The following COMMD2 variants were observed in gnomAD, a reference collection of about 807,000 sequenced individuals.
COMMD2 encodes the protein COMM domain containing 2.
A neutral mutation model predicts 22.5 loss-of-function variants in COMMD2; 25 were observed. That is an observed-to-expected ratio of 1.11 (90% CI 0.81 to 1.55). The LOEUF is 1.55. Among genes scored for constraint, COMMD2 ranks in the 40% most tolerant of loss-of-function variants. COMMD2 has a pLI of 0.00. For synonymous variants in COMMD2, 98 were observed against 91.2 expected, an observed-to-expected ratio of 1.07 and a Z score of -0.42; for missense variants, 223 against 232.9, an observed-to-expected ratio of 0.96 and a Z score of 0.28.
chr3:149,742,792 C>A (rs1716269531), intron 4 of COMMD2, among the ~76,000 whole-genome samples: 1 of 151,854 alleles, frequency 6.6e-6, no homozygotes, highest in Admixed American at 6.6e-5. Flanking sequence ...CATAGTGAAA[C>A]CCTGTCTCTA....
chr3:149,750,803 C>T lies in COMMD2; in HGVS notation c.277G>A (p.Glu93Lys). Residue 93 changes from glutamate (E) to lysine (K), a missense_variant, in exon 4 of 5, where the codon GAA (glutamate) becomes AAA (lysine). Glu to Lys is a moderately conservative substitution (Grantham distance 56, BLOSUM62 1). Coordinates refer to ENST00000473414, the MANE Select transcript of COMMD2 (RefSeq NM_016094.4). ...QDSVFVLGFS[E>K]ELNKLLLQLY... Reference sequence around the variant, plus strand: ...TGAAGCAACAATTTGTTTAATTCTTCAGAGAATCCCAGAACAAAAACAGAG... The same window carrying T: ...TGAAGCAACAATTTGTTTAATTCTTTAGAGAATCCCAGAACAAAAACAGAG... 1.9e-6 allele frequency: 3 copies of T among 1,602,950 alleles called. No homozygotes were observed. The highest frequency in any genetic ancestry group is 2.2e-5 in the East Asian group (1 of 44,572).
rs967944752 is a variant in COMMD2 at position 149,738,887 on chromosome 3, T to C, written c.*2634A>G. ...TCACCACCTTTCCCGTTTACTGTCT[T>C]AAATGTGCCCAATCTCGGAAATATC... On this transcript the variant is annotated 3_prime_UTR_variant, in exon 5 of 5. Transcript: ENST00000473414. 6.6e-6 allele frequency: 1 copy of C among 152,180 alleles called. No homozygotes were observed. Among genetic ancestry groups the C allele is most frequent in the Non-Finnish European group, 1.5e-5 (1 of 68,004 alleles). The allele number at this position is 152,180 out of a possible 1,614,324, so 9.4% of individuals were successfully genotyped here.
At chr3:149,746,615 CAA>C (rs34066660) in intron 4 of COMMD2, among the ~76,000 whole-genome samples, 47,862 of 128,810 alleles carry the variant, frequency 0.37, 8,555 homozygotes, top group Middle Eastern at 0.56. Flanking sequence ...ACTAAAAATA[CAA>C]AAAAAAAAAA....
At chr3:149,749,440 G>A (rs1261572653) in intron 4 of COMMD2, among the ~76,000 whole-genome samples, 1 of 152,136 alleles carries the variant, frequency 6.6e-6, no homozygotes, top group Non-Finnish European at 1.5e-5. Context: ...TTTCCAAACT[G>A]TATTGCACAT....
intron 4 of COMMD2, among the ~76,000 whole-genome samples, chr3:149,743,489 T>C (rs995587693): frequency 6.6e-6 from 1 of 152,190 alleles, no homozygotes; most frequent in Non-Finnish European, 1.5e-5. Context: ...GATTTCAGGA[T>C]TAATTTAATT....
intron 4 of COMMD2, among the ~76,000 whole-genome samples, chr3:149,744,237 A>G (rs1365477514): frequency 2.0e-5 from 3 of 152,218 alleles, no homozygotes; most frequent in Admixed American, 1.3e-4. Context: ...CTGAAGGGCC[A>G]TATCTCAAGG....
chr3:149,740,760 T>G lies in COMMD2; in HGVS notation c.*761A>C, dbSNP rs1214446639. 6.6e-6 allele frequency: 1 copy of G among 152,206 alleles called. No homozygotes were observed. The highest frequency in any genetic ancestry group is 1.5e-5 in the Non-Finnish European group (1 of 68,016). 9.4% of individuals were successfully genotyped at this position (152,206 alleles called of 1,614,324 possible). ...TCTGCATAGTAGTAGTATTACATTG[T>G]GAATTTTATTTTCAAATTTGATCAA... On this transcript the variant is annotated 3_prime_UTR_variant, in exon 5 of 5. Coordinates refer to ENST00000473414, the MANE Select transcript of COMMD2 (RefSeq NM_016094.4).
intron 4 of COMMD2, among the ~76,000 whole-genome samples, chr3:149,749,606 G>A (rs1716474059): frequency 6.6e-6 from 1 of 152,176 alleles, no homozygotes; most frequent in African/African-American, 2.4e-5. Context: ...TTGAGAACAA[G>A]TGCACTATAA....
intron 4 of COMMD2, 130 bp from the exon 5 acceptor site, chr3:149,741,848 T>C (rs1413653193): frequency 1.4e-6 from 1 of 693,122 alleles, no homozygotes; most frequent in Admixed American, 2.8e-5. Flanking sequence ...AAATGAAAAG[T>C]AAACTTTAAA....
chr3:149,752,361 C>T lies in COMMD2; in HGVS notation c.67+17G>A, dbSNP rs766175798. 2 of 1,613,936 alleles carry T rather than the reference C, an allele frequency of 1.2e-6. No individual in the cohort carries two copies. The highest frequency in any genetic ancestry group is 1.3e-5 in the African/African-American group (1 of 74,924). On this transcript the variant is annotated intron_variant, in intron 1 of 4. Transcript: ENST00000473414. ...CTCCTCCCCAGCCCACAGAACACCGCCCCCACGCCCGCTGACCCGCGCTGT... is the reference window on the plus strand; with the variant it reads ...CTCCTCCCCAGCCCACAGAACACCGTCCCCACGCCCGCTGACCCGCGCTGT...
chr3:149,750,650 T>C (rs373225023), intron 4 of COMMD2, 28 bp downstream of exon 4: 82 of 1,445,864 alleles, frequency 5.7e-5, no homozygotes, highest in Middle Eastern at 1.8e-4. Flanking sequence ...TTATATTCTA[T>C]GTTAAGTTAA....
Position 149,751,397 on chromosome 3 carries a change from C to T in COMMD2, c.228+6G>A. On this transcript the variant is annotated splice_donor_region_variant and intron_variant, in intron 3 of 4. Transcript: ENST00000473414. ...CCAACACAAAACAGTCCAGAAAATC[C>T]CTTACCATGAGCTTTGAGCTCTCAG... 1 of 1,613,966 alleles carries T rather than the reference C, an allele frequency of 6.2e-7. No individual in the cohort carries two copies. The highest frequency in any genetic ancestry group is 1.1e-5 in the South Asian group (1 of 91,064).
Position 149,741,591 on chromosome 3 carries a change from T to C in COMMD2, c.530A>G (p.Gln177Arg). Residue 177 changes from glutamine to arginine, a missense_variant, in exon 5 of 5, where the codon CAA becomes CGA. Gln to Arg is a conservative substitution (Grantham distance 43, BLOSUM62 1). Transcript: ENST00000473414. ...TDPATLLHLVQQLEQALEEMK... is the reference protein window; with the variant it reads ...TDPATLLHLVRQLEQALEEMK... Reference sequence around the variant, plus strand: ...CTCTTCCAATGCTTGTTCCAGTTGTTGAACCAAATGGAGCAGGGTGGCTGG... The same window carrying C: ...CTCTTCCAATGCTTGTTCCAGTTGTCGAACCAAATGGAGCAGGGTGGCTGG... 6.2e-7 allele frequency: 1 copy of C among 1,614,116 alleles called. No individual in the cohort carries two copies. The highest frequency in any genetic ancestry group is 8.5e-7 in the Non-Finnish European group (1 of 1,180,024).
chr3:149,751,931 G>A, intron 2 of COMMD2: 1 of 379,976 alleles, frequency 2.6e-6, no homozygotes. Context: ...ACAGACTTTG[G>A]TATATTTATA....
Position 149,740,578 on chromosome 3 carries a change from A to G in COMMD2, c.*943T>C, listed in dbSNP as rs1325891314. ...TAATTAACCATGATCACTCAAACTT[A>G]GGCAATATGATACTTATCATCTTCA... On this transcript the variant is annotated 3_prime_UTR_variant, in exon 5 of 5. Coordinates refer to ENST00000473414, the MANE Select transcript of COMMD2 (RefSeq NM_016094.4). 2 of 152,252 alleles carry G rather than the reference A, an allele frequency of 1.3e-5. No individual in the cohort carries two copies. Among genetic ancestry groups the G allele is most frequent in the Admixed American group, 6.5e-5 (1 of 15,286 alleles). 9.4% of individuals were successfully genotyped at this position (152,252 alleles called of 1,614,324 possible). A position where few individuals can be genotyped will look rare whatever the true frequency, so the allele number is the denominator to read the frequency against.
Position 149,741,632 on chromosome 3 carries a change from T to C in COMMD2, c.489A>G (p.Lys163=). 1 of 1,614,072 alleles carries C rather than the reference T, an allele frequency of 6.2e-7. No homozygotes were observed. Among genetic ancestry groups the C allele is most frequent in the South Asian group, 1.1e-5 (1 of 91,074 alleles). ...HLNQNGDHNT[K]VLQTDPATLL... Reference sequence around the variant, plus strand: ...GGGTGGCTGGGTCTGTCTGCAGAACTTTGGTGTTGTGATCTCCATTTTGAT... The same window carrying C: ...GGGTGGCTGGGTCTGTCTGCAGAACCTTGGTGTTGTGATCTCCATTTTGAT... The change falls in exon 5 of 5, where the codon AAA becomes AAG. Residue 163 remains lysine (K), a synonymous_variant. Transcript: ENST00000473414.
In COMMD2 at chr3:149,740,807, T is replaced by A. The variant is rs1294135383; in HGVS notation, c.*714A>T. 1.3e-5 allele frequency: 2 copies of A among 152,440 alleles called. No individual in the cohort carries two copies. The highest frequency in any genetic ancestry group is 2.9e-5 in the Non-Finnish European group (2 of 68,018). 9.4% of individuals were successfully genotyped at this position (152,440 alleles called of 1,614,324 possible). A position where few individuals can be genotyped will look rare whatever the true frequency, so the allele number is the denominator to read the frequency against. On this transcript the variant is annotated 3_prime_UTR_variant, in exon 5 of 5. Coordinates refer to ENST00000473414, the MANE Select transcript of COMMD2 (RefSeq NM_016094.4). ...TCAATAAAGATGAAAATAATAAAAT[T>A]AAGCAGTCAAAAGAAGTAGCAAAAA...
intron 4 of COMMD2, among the ~76,000 whole-genome samples, chr3:149,749,016 CTCTT>C (rs1401879062): frequency 6.6e-6 from 1 of 151,444 alleles, no homozygotes; most frequent in African/African-American, 2.4e-5. Flanking sequence ...CTGTCTCTCT[CTCTT>C]TTTTTTTTTT....
At chr3:149,746,132 A>T (rs1160332481) in intron 4 of COMMD2, among the ~76,000 whole-genome samples, 1 of 152,208 alleles carries the variant, frequency 6.6e-6, no homozygotes, top group African/African-American at 2.4e-5. Flanking sequence ...TCTTGAACTG[A>T]TTAATGCCAT....
Sources: gnomAD v4.1 joint callset for allele counts (sites outside exome capture counted in the v4.1 genomes callset) on GRCh38, gnomAD v4.1.1 for gene constraint, MANE v1.5 for transcripts, NCBI Gene and HGNC (gene_info 2026-07-23, HGNC 2026-07-21) for gene names.